Variants in POU2F3 observed in about 807,000 individuals in gnomAD.
POU2F3 encodes POU class 2 homeobox 3, also known as POU domain, class 2, transcription factor 3.
POU2F3 carries 23 observed loss-of-function variants against 59.2 expected under a neutral mutation model. The observed-to-expected ratio is 0.39, with a 90% CI of 0.28 to 0.55. The LOEUF is 0.55. Ranked by LOEUF, POU2F3 falls within the 20% of genes least tolerant of loss-of-function variation. The probability of loss-of-function intolerance (pLI) is 0.66; values close to 1 mark genes in which losing one functional copy is unlikely to be tolerated. For missense variants in POU2F3, 473 were observed against 544.5 expected, an observed-to-expected ratio of 0.87 and a Z score of 1.31; for synonymous variants, 190 against 214.6, an observed-to-expected ratio of 0.89 and a Z score of 1.00.
At chr11:120,307,287 G>A (rs1183908589) in intron 8 of POU2F3, among the ~76,000 whole-genome samples, 192 bp from the exon 9 acceptor site, 2 of 152,238 alleles carry the variant, frequency 1.3e-5, no homozygotes, top group South Asian at 4.1e-4. Context: ...GGGCCACGGA[G>A]GGCCTTTGCC....
At chr11:120,250,960 G>A (rs1939071519) in intron 2 of POU2F3, among the ~76,000 whole-genome samples, 1 of 151,250 alleles carries the variant, frequency 6.6e-6, no homozygotes, top group Admixed American at 6.6e-5. Flanking sequence ...CTGGGTGACA[G>A]AGCAAAACTC....
chr11:120,303,726 G>A (rs1204830929), intron 6 of POU2F3: 1 of 152,176 alleles, frequency 6.6e-6, no homozygotes, highest in East Asian at 1.9e-4. Context: ...TTCACTGGGG[G>A]AAAGACTCCT....
chr11:120,260,034 A>G (rs1939524131), intron 2 of POU2F3, among the ~76,000 whole-genome samples: 1 of 152,236 alleles, frequency 6.6e-6, no homozygotes, highest in South Asian at 2.1e-4. Context: ...AATGCCAGCA[A>G]GGTGCTAGTG....
chr11:120,273,742 G>A (rs745590181), intron 3 of POU2F3, among the ~76,000 whole-genome samples: 1 of 152,184 alleles, frequency 6.6e-6, no homozygotes, highest in Admixed American at 6.5e-5. Context: ...CAGGCCAGGC[G>A]CAGTGGCTCA....
intron 3 of POU2F3, among the ~76,000 whole-genome samples, chr11:120,283,633 A>AG (rs1940659698): frequency 6.6e-6 from 1 of 152,110 alleles, no homozygotes; most frequent in Non-Finnish European, 1.5e-5. Context: ...CCCTGACCCT[A>AG]GCCTGCCCCC....
intron 3 of POU2F3, among the ~76,000 whole-genome samples, chr11:120,270,374 A>C (rs193182921): frequency 6.6e-6 from 1 of 152,326 alleles, no homozygotes; most frequent in East Asian, 1.9e-4. Flanking sequence ...TTTATGTTTT[A>C]CTAGAGGTAT....
chr11:120,244,971 G>A (rs1167313745), intron 1 of POU2F3, among the ~76,000 whole-genome samples: 1 of 152,068 alleles, frequency 6.6e-6, no homozygotes, highest in Non-Finnish European at 1.5e-5. Context: ...GTGGGGTAAG[G>A]TTGCAGGTCT....
intron 1 of POU2F3, among the ~76,000 whole-genome samples, chr11:120,241,629 C>A (rs754123828): frequency 1.3e-5 from 2 of 152,146 alleles, no homozygotes; most frequent in Non-Finnish European, 2.9e-5. Context: ...GGCAGATCCC[C>A]GGGTAGGTGC....
chr11:120,318,350 C>A lies in POU2F3; in HGVS notation c.1272-3C>A. On this transcript the variant is annotated splice_polypyrimidine_tract_variant and splice_region_variant and intron_variant, in intron 12 of 12. Coordinates refer to ENST00000543440, the MANE Select transcript of POU2F3 (RefSeq NM_014352.4). Reference sequence around the variant, plus strand: ...TTAGGATTGACTTCTTTCTTCCTTCCAGATCTTGGTACCGATGGAATCATT... The same window carrying A: ...TTAGGATTGACTTCTTTCTTCCTTCAAGATCTTGGTACCGATGGAATCATT... The A allele has an allele frequency of 6.2e-7, 1 of 1,603,344 alleles. No individual in the cohort carries two copies. Among genetic ancestry groups the A allele is most frequent in the Non-Finnish European group, 8.5e-7 (1 of 1,170,126 alleles).
intron 2 of POU2F3, among the ~76,000 whole-genome samples, chr11:120,263,312 C>T (rs1253178343): frequency 2.0e-5 from 3 of 152,166 alleles, no homozygotes; most frequent in Admixed American, 6.5e-5. Flanking sequence ...CATTTCTAAG[C>T]ATACAGTTCC....
chr11:120,245,090 T>C (rs1938816814), intron 1 of POU2F3, among the ~76,000 whole-genome samples: 1 of 152,102 alleles, frequency 6.6e-6, no homozygotes, highest in Non-Finnish European at 1.5e-5. Context: ...TTGGCTGGTC[T>C]TGAAAACTCC....
intron 4 of POU2F3, among the ~76,000 whole-genome samples, chr11:120,299,188 C>A (rs1356630334): frequency 1.3e-5 from 2 of 152,158 alleles, no homozygotes; most frequent in Non-Finnish European, 2.9e-5. Flanking sequence ...AGATTCTGGC[C>A]CAGGAAACAG....
At chr11:120,299,822 T>C (rs1252384418) in intron 5 of POU2F3, 96 bp downstream of exon 5, 20 of 1,028,866 alleles carry the variant, frequency 1.9e-5, no homozygotes, top group Non-Finnish European at 2.7e-5. Context: ...TTGGAGAGCA[T>C]GCGTCAGTCA....
At chr11:120,310,344 C>T (rs1221866160) in intron 10 of POU2F3, among the ~76,000 whole-genome samples, 2 of 152,140 alleles carry the variant, frequency 1.3e-5, no homozygotes, top group East Asian at 3.8e-4. Flanking sequence ...TTGGAAAGCA[C>T]TGCCATTTTT....
intron 2 of POU2F3, among the ~76,000 whole-genome samples, chr11:120,263,899 T>C (rs145648633): frequency 2.4e-3 from 370 of 152,352 alleles, no homozygotes; most frequent in Non-Finnish European, 4.0e-3. Flanking sequence ...GGTTAGTTTA[T>C]GTCACAGTTT....
chr11:120,313,523 T>C (rs1264156150), intron 10 of POU2F3, among the ~76,000 whole-genome samples: 1 of 152,246 alleles, frequency 6.6e-6, no homozygotes, highest in African/African-American at 2.4e-5. Context: ...GACTAGGACA[T>C]AGTTTCTTCT....
At chr11:120,315,709 G>A (rs1941766282) in intron 11 of POU2F3, among the ~76,000 whole-genome samples, 1 of 152,144 alleles carries the variant, frequency 6.6e-6, no homozygotes. Context: ...GGAAGGCCCA[G>A]GGGAGGCAAG....
chr11:120,251,960 A>C (rs746455129), intron 2 of POU2F3, among the ~76,000 whole-genome samples: 7 of 151,216 alleles, frequency 4.6e-5, no homozygotes, highest in Non-Finnish European at 1.0e-4. Context: ...ACACCCAGCT[A>C]ATTTTTTGTA....
intron 2 of POU2F3, among the ~76,000 whole-genome samples, chr11:120,249,327 T>C (rs546458828): frequency 1.3e-5 from 2 of 152,314 alleles, no homozygotes; most frequent in African/African-American, 4.8e-5. Flanking sequence ...ACCTAATGCT[T>C]CCTCATCTGT....
Sources: gnomAD v4.1 joint callset for allele counts (sites outside exome capture counted in the v4.1 genomes callset) on GRCh38, gnomAD v4.1.1 for gene constraint, MANE v1.5 for transcripts, NCBI Gene and HGNC (gene_info 2026-07-23, HGNC 2026-07-21) for gene names.